USP10: variants seen among roughly 807,000 people sequenced by gnomAD.
USP10 encodes the protein ubiquitin specific peptidase 10.
USP10 carries 22 observed loss-of-function variants against 84.5 expected under a neutral mutation model. The observed-to-expected ratio is 0.26, with a 90% CI of 0.19 to 0.37. The LOEUF is 0.37. Among genes scored for constraint, USP10 ranks in the 10% least tolerant of loss-of-function variants. USP10 has a pLI of 1.00. For missense variants in USP10, 1,019 were observed against 998.9 expected, an observed-to-expected ratio of 1.02 and a Z score of -0.27; for synonymous variants, 454 against 387.6, an observed-to-expected ratio of 1.17 and a Z score of -2.01.
intron 4 of USP10, among the ~76,000 whole-genome samples, chr16:84,747,521 T>G (rs12447199): frequency 0.35 from 52,797 of 148,960 alleles, 9,910 homozygotes; most frequent in South Asian, 0.59. Context: ...CGTCGTTATT[T>G]TGGGCTTCAT....
chr16:84,745,064 G>C lies in USP10; in HGVS notation c.583G>C (p.Glu195Gln), dbSNP rs1211528987. 1 of 1,613,750 alleles carries C rather than the reference G, an allele frequency of 6.2e-7. No individual in the cohort carries two copies. ...VPNSVSAEDA[E>Q]FMGDMPPSVT... ...GAACAGTGTCAGTGCAGAGGATGCA[G>C]AATTTATGGGTGACATGCCCCCGTC... The change falls in exon 4 of 14, where the codon GAA (glutamate) becomes CAA (glutamine). Residue 195 changes from glutamate to glutamine, a missense_variant. Transcript: ENST00000219473.
chr16:84,765,449 C>G (rs1034271238), intron 10 of USP10, among the ~76,000 whole-genome samples: 2 of 151,308 alleles, frequency 1.3e-5, no homozygotes, highest in Non-Finnish European at 2.9e-5. Context: ...CTAGGAACCA[C>G]TCTTTTCCCT....
intron 6 of USP10, 116 bp from the exon 7 acceptor site, chr16:84,759,775 T>C (rs919634662): frequency 8.5e-5 from 92 of 1,084,332 alleles, no homozygotes; most frequent in Non-Finnish European, 1.2e-4. Context: ...ACAGCATTGG[T>C]TACCTAAAAT....
intron 9 of USP10, among the ~76,000 whole-genome samples, chr16:84,763,709 A>G (rs1479380485): frequency 6.6e-6 from 1 of 151,992 alleles, no homozygotes; most frequent in Admixed American, 6.6e-5. Context: ...CCGTGGATCA[A>G]GTGGCATTGC....
At chr16:84,714,933 T>TG (rs1229859660) in intron 1 of USP10, among the ~76,000 whole-genome samples, 2 of 142,618 alleles carry the variant, frequency 1.4e-5, no homozygotes, top group Non-Finnish European at 3.1e-5. Context: ...ATTATTATTA[T>TG]TATTTTTTTT....
At chr16:84,739,965 C>G (rs1032461372) in intron 2 of USP10, among the ~76,000 whole-genome samples, 1 of 152,212 alleles carries the variant, frequency 6.6e-6, no homozygotes, top group Non-Finnish European at 1.5e-5. Flanking sequence ...TGTCTGTGGT[C>G]TGGATGGTCA....
intron 1 of USP10, chr16:84,732,659 G>T (rs1429253118): frequency 3.3e-6 from 1 of 302,964 alleles, no homozygotes. Flanking sequence ...TGTTGGCCAG[G>T]CTGGTCTCGA....
chr16:84,743,567 G>A (rs868110155), intron 3 of USP10, among the ~76,000 whole-genome samples: 1 of 151,932 alleles, frequency 6.6e-6, no homozygotes, highest in Non-Finnish European at 1.5e-5. Flanking sequence ...AAAAAAATTG[G>A]CCCCTTAATG....
chr16:84,734,474 C>T (rs192326103), intron 2 of USP10, among the ~76,000 whole-genome samples: 452 of 152,290 alleles, frequency 3.0e-3, no homozygotes, highest in Non-Finnish European at 4.7e-3. Context: ...ATTTTTAAAT[C>T]AAGTAGCTTG....
At chr16:84,730,244 AAT>A (rs1046994847) in intron 1 of USP10, among the ~76,000 whole-genome samples, 155 of 152,240 alleles carry the variant, frequency 1.0e-3, no homozygotes, top group African/African-American at 3.1e-3. Flanking sequence ...AACAAACACA[AAT>A]ATGTTATTAT....
intron 8 of USP10, among the ~76,000 whole-genome samples, chr16:84,762,021 C>A (rs532420182): frequency 1.3e-5 from 2 of 152,232 alleles, no homozygotes; most frequent in Non-Finnish European, 2.9e-5. Context: ...TCAAACAGAA[C>A]AATTTGCAGG....
At chr16:84,712,222 C>G (rs1358145045) in intron 1 of USP10, among the ~76,000 whole-genome samples, 2 of 152,188 alleles carry the variant, frequency 1.3e-5, no homozygotes, top group Non-Finnish European at 2.9e-5. Flanking sequence ...CCCTGTCCTT[C>G]CTCAGGAGGC....
intron 10 of USP10, among the ~76,000 whole-genome samples, chr16:84,765,175 T>C (rs7186685): frequency 0.23 from 34,846 of 151,504 alleles, 4,755 homozygotes; most frequent in East Asian, 0.38. Flanking sequence ...ATTTAAAGTA[T>C]ACACAGATGT....
At chr16:84,729,291 A>G in intron 1 of USP10, among the ~76,000 whole-genome samples, 1 of 152,240 alleles carries the variant, frequency 6.6e-6, no homozygotes, top group East Asian at 1.9e-4. Flanking sequence ...CAAGAAAGAA[A>G]TATTTATCGT....
chr16:84,700,045 G>T lies in USP10; in HGVS notation c.-46G>T. 7.4e-7 allele frequency: 1 copy of T among 1,356,280 alleles called. No homozygotes were observed. Among genetic ancestry groups the T allele is most frequent in the Non-Finnish European group, 9.7e-7 (1 of 1,032,424 alleles). 84.0% of individuals were successfully genotyped at this position (1,356,280 alleles called of 1,614,324 possible). On this transcript the variant is annotated 5_prime_UTR_variant, in exon 1 of 14. Coordinates refer to ENST00000219473, the MANE Select transcript of USP10 (RefSeq NM_005153.3). ...GAAGATGGCGGCGGCGGGGGAAGCA[G>T]CGTGAGCAGCCGGAGGATCGCGGAG...
intron 2 of USP10, among the ~76,000 whole-genome samples, chr16:84,734,359 A>G (rs1490169421): frequency 2.0e-5 from 3 of 152,208 alleles, no homozygotes; most frequent in South Asian, 4.1e-4. Flanking sequence ...TTTAATTTAC[A>G]TCTCCCAGAT....
intron 8 of USP10, among the ~76,000 whole-genome samples, chr16:84,762,034 CT>C (rs1445400227): frequency 2.0e-5 from 3 of 152,206 alleles, no homozygotes; most frequent in Non-Finnish European, 2.9e-5. Context: ...TTTGCAGGGC[CT>C]TGGAATAGGC....
At chr16:84,712,628 C>T (rs1906463724) in intron 1 of USP10, among the ~76,000 whole-genome samples, 1 of 152,134 alleles carries the variant, frequency 6.6e-6, no homozygotes, top group Admixed American at 6.5e-5. Context: ...GGCAGATTTG[C>T]CGTCTATAGA....
chr16:84,721,352 A>C (rs1907788612), intron 1 of USP10, among the ~76,000 whole-genome samples: 1 of 152,190 alleles, frequency 6.6e-6, no homozygotes, highest in Non-Finnish European at 1.5e-5. Flanking sequence ...GTACTGAGGA[A>C]TTATTCTTCT....
Sources: gnomAD v4.1 joint callset for allele counts (sites outside exome capture counted in the v4.1 genomes callset) on GRCh38, gnomAD v4.1.1 for gene constraint, MANE v1.5 for transcripts, NCBI Gene and HGNC (gene_info 2026-07-23, HGNC 2026-07-21) for gene names.